NAA11: variants seen among roughly 807,000 people sequenced by gnomAD.
The protein encoded by NAA11 is N-alpha-acetyltransferase 11, NatA catalytic subunit, also known as N-alpha-acetyltransferase 11.
A neutral mutation model predicts 16.1 loss-of-function variants in NAA11; 15 were observed. The observed-to-expected ratio is 0.93, with a 90% CI of 0.62 to 1.44. The LOEUF is 1.44. Ranked by LOEUF, NAA11 falls within the 40% of genes most tolerant of loss-of-function variation. The pLI, the probability that NAA11 is intolerant of heterozygous loss-of-function variation, is 0.00. For synonymous variants in NAA11, 122 were observed against 112.4 expected (o/e 1.09, Z -0.54); for missense variants, 298 against 291.3 (o/e 1.02, Z -0.17).
chr4:79,215,164 T>C, the NAA11 span, among the ~76,000 whole-genome samples: 2 of 152,238 alleles, frequency 1.3e-5, no homozygotes, highest in African/African-American at 4.8e-5. Flanking sequence ...TTTCTAAATA[T>C]TGTTCTTACC....
At chr4:79,175,489 C>A in the NAA11 span, among the ~76,000 whole-genome samples, 2 of 152,018 alleles carry the variant, frequency 1.3e-5, no homozygotes, top group Admixed American at 1.3e-4. Context: ...TTTCAACAAG[C>A]AATGTACCTG....
the NAA11 span, among the ~76,000 whole-genome samples, chr4:79,165,229 A>G: frequency 5.3e-5 from 8 of 152,178 alleles, no homozygotes; most frequent in South Asian, 1.7e-3. Context: ...ATAATGATGG[A>G]GAATGGTGAA....
chr4:79,192,886 C>T, the NAA11 span, among the ~76,000 whole-genome samples: 6 of 151,968 alleles, frequency 3.9e-5, no homozygotes, highest in South Asian at 2.1e-4. Context: ...CTCTCCAGCA[C>T]CTGTTGTTTC....
the NAA11 span, among the ~76,000 whole-genome samples, chr4:79,190,664 A>G: frequency 6.6e-6 from 1 of 152,018 alleles, no homozygotes; most frequent in African/African-American, 2.4e-5. Context: ...TTATTTTTTT[A>G]AATTTTTTAA....
At chr4:79,251,174 C>G (rs978209974) in intron 2 of NAA11, among the ~76,000 whole-genome samples, 2 of 152,116 alleles carry the variant, frequency 1.3e-5, no homozygotes, top group African/African-American at 4.8e-5. Flanking sequence ...ACGCATGTAC[C>G]CTTATGTTCA....
intron 2 of NAA11, among the ~76,000 whole-genome samples, chr4:79,264,787 A>G (rs1486120059): frequency 1.3e-5 from 2 of 152,108 alleles, no homozygotes; most frequent in Non-Finnish European, 2.9e-5. Context: ...TCGGGTCTCA[A>G]TCCTTGAAAT....
At chr4:79,197,198 A>G in the NAA11 span, among the ~76,000 whole-genome samples, 989 of 152,076 alleles carry the variant, frequency 6.5e-3, 3 homozygotes, top group Non-Finnish European at 8.9e-3. Flanking sequence ...TTAAATTGAT[A>G]ACTCAAAGCT....
intron 2 of NAA11, among the ~76,000 whole-genome samples, chr4:79,262,446 AC>A (rs1722262776): frequency 6.6e-6 from 1 of 152,178 alleles, no homozygotes; most frequent in Admixed American, 6.5e-5. Flanking sequence ...AAATCTAGTC[AC>A]TTTTCTAGTC....
chr4:79,197,782 C>T, the NAA11 span: 3 of 151,860 alleles, frequency 2.0e-5, no homozygotes, highest in South Asian at 2.1e-4. Context: ...TAGGCAGTAT[C>T]GTAGAGGTAT....
the NAA11 span, among the ~76,000 whole-genome samples, chr4:79,164,998 AG>A: frequency 6.6e-6 from 1 of 152,218 alleles, no homozygotes; most frequent in African/African-American, 2.4e-5. Flanking sequence ...CACCACACGG[AG>A]GGAACACTCA....
At chr4:79,321,793 AAC>A (rs1560477966) in intron 1 of NAA11, among the ~76,000 whole-genome samples, 2 of 152,252 alleles carry the variant, frequency 1.3e-5, no homozygotes, top group African/African-American at 4.8e-5. Context: ...TCAATATGCT[AAC>A]ACAAAGCACA....
chr4:79,222,728 T>A (rs1336036718), downstream of NAA11, among the ~76,000 whole-genome samples: 3 of 148,002 alleles, frequency 2.0e-5, no homozygotes, highest in Admixed American at 1.3e-4. Context: ...TGGGAGAAAA[T>A]TTTCACAACC....
chr4:79,226,253 T>A (rs1052471220), exon 3 of NAA11: 1 of 151,974 alleles, frequency 6.6e-6, no homozygotes, highest in African/African-American at 2.4e-5. Context: ...CTGTCTCAGA[T>A]CTTCATTGGC....
the NAA11 span, among the ~76,000 whole-genome samples, chr4:79,157,073 A>G: frequency 1.3e-5 from 2 of 152,192 alleles, no homozygotes; most frequent in East Asian, 1.9e-4. Flanking sequence ...GTCACATACC[A>G]TAAACATCAC....
At chr4:79,240,475 G>A (rs1721667703) in intron 2 of NAA11, among the ~76,000 whole-genome samples, 1 of 152,144 alleles carries the variant, frequency 6.6e-6, no homozygotes, top group African/African-American at 2.4e-5. Context: ...CAAAGGGTAG[G>A]ATTGGCAATG....
intron 1 of NAA11, among the ~76,000 whole-genome samples, chr4:79,309,180 G>A (rs898366846): frequency 6.6e-5 from 10 of 152,194 alleles, no homozygotes; most frequent in Admixed American, 2.0e-4. Flanking sequence ...GCTATGCCTC[G>A]GGCTGTTAAC....
chr4:79,158,745 TG>T, the NAA11 span, among the ~76,000 whole-genome samples: 3 of 124,876 alleles, frequency 2.4e-5, no homozygotes, highest in African/African-American at 7.8e-5. Context: ...CAAAACAGCA[TG>T]GTACTGGTAT....
chr4:79,278,912 T>C (rs1578175960), intron 2 of NAA11, among the ~76,000 whole-genome samples: 1 of 152,206 alleles, frequency 6.6e-6, no homozygotes, highest in Non-Finnish European at 1.5e-5. Context: ...AAGATCAAGA[T>C]GTCAGCATTT....
chr4:79,304,320 A>T (rs1723499047), intron 1 of NAA11, among the ~76,000 whole-genome samples: 1 of 152,236 alleles, frequency 6.6e-6, no homozygotes, highest in South Asian at 2.1e-4. Context: ...CAATTTTATT[A>T]AAAAATGTAA....
Sources: allele counts gnomAD v4.1 joint callset (sites outside exome capture counted in the v4.1 genomes callset), GRCh38; gene constraint gnomAD v4.1.1; transcripts MANE v1.5; gene names NCBI Gene and HGNC (gene_info 2026-07-23, HGNC 2026-07-21).